The following CHST8 variants were observed in gnomAD, a reference collection of about 807,000 sequenced individuals.
CHST8 encodes the protein carbohydrate sulfotransferase 8, also known as GALNAC-4-ST1.
CHST8 carries 10 observed loss-of-function variants against 15.0 expected under a neutral mutation model. The observed-to-expected ratio is 0.67, with a 90% confidence interval of 0.41 to 1.13. The LOEUF (loss-of-function observed/expected upper bound fraction) is 1.13, where lower values mean the gene tolerates loss of function less well. CHST8 is among the 50% of genes most tolerant of loss of function. The pLI is 0.00. For synonymous variants in CHST8, 259 were observed against 256.6 expected, an observed-to-expected ratio of 1.01 and a Z score of -0.09; for missense variants, 634 against 608.2, an observed-to-expected ratio of 1.04 and a Z score of -0.45.
chr19:33,665,464 A>G (rs1295761024), intron 1 of CHST8, among the ~76,000 whole-genome samples: 3 of 152,172 alleles, frequency 2.0e-5, no homozygotes, highest in Non-Finnish European at 2.9e-5. Flanking sequence ...CTTTATTTCC[A>G]GGAACAGGTG....
chr19:33,644,289 A>C (rs1200842653), intron 1 of CHST8, among the ~76,000 whole-genome samples: 1 of 152,170 alleles, frequency 6.6e-6, no homozygotes, highest in Non-Finnish European at 1.5e-5. Flanking sequence ...GTACTCAACA[A>C]ATATTTATGG....
intron 3 of CHST8, among the ~76,000 whole-genome samples, chr19:33,727,271 T>G (rs1490607180): frequency 1.3e-5 from 2 of 152,080 alleles, no homozygotes; most frequent in African/African-American, 4.8e-5. Flanking sequence ...ATGTCAGGCT[T>G]AGGACGGACA....
At chr19:33,641,805 G>C (rs920749546) in intron 1 of CHST8, among the ~76,000 whole-genome samples, 3 of 152,146 alleles carry the variant, frequency 2.0e-5, no homozygotes, top group Admixed American at 1.3e-4. Flanking sequence ...CGCTGTCATC[G>C]CAGAAAGGGA....
chr19:33,757,441 A>G (rs547503582), intron 3 of CHST8, among the ~76,000 whole-genome samples: 18 of 26,852 alleles, frequency 6.7e-4, no homozygotes, highest in African/African-American at 2.4e-3. Flanking sequence ...AAAGAAAGAA[A>G]GAAAGAAAGA....
At chr19:33,733,419 G>A (rs284681) in intron 3 of CHST8, among the ~76,000 whole-genome samples, 27,838 of 151,868 alleles carry the variant, frequency 0.18, 2,843 homozygotes, top group South Asian at 0.25. Flanking sequence ...ACTTTTAGTA[G>A]AGATGGGGTT....
intron 3 of CHST8, among the ~76,000 whole-genome samples, chr19:33,690,966 G>A (rs1354087432): frequency 1.3e-5 from 2 of 152,210 alleles, no homozygotes; most frequent in Non-Finnish European, 2.9e-5. Flanking sequence ...GGGTCCAGGC[G>A]GCCAGTACCC....
intron 2 of CHST8, among the ~76,000 whole-genome samples, chr19:33,685,650 G>A (rs1359467290): frequency 6.6e-6 from 1 of 152,188 alleles, no homozygotes; most frequent in Non-Finnish European, 1.5e-5. Context: ...GGTGGAGGCT[G>A]AGGCCTGTGA....
intron 2 of CHST8, among the ~76,000 whole-genome samples, chr19:33,670,351 G>A (rs1301674014): frequency 1.3e-5 from 2 of 152,148 alleles, no homozygotes; most frequent in African/African-American, 2.4e-5. Context: ...GAAGTTTACC[G>A]TATTTTTAAT....
intron 2 of CHST8, among the ~76,000 whole-genome samples, chr19:33,678,632 A>C (rs557839342): frequency 7.2e-5 from 11 of 152,292 alleles, no homozygotes; most frequent in Non-Finnish European, 1.2e-4. Context: ...CCAGCTACTC[A>C]AGAGTCTGAG....
intron 3 of CHST8, among the ~76,000 whole-genome samples, chr19:33,717,575 T>G (rs747253509): frequency 4.6e-5 from 7 of 152,090 alleles, no homozygotes; most frequent in Non-Finnish European, 1.0e-4. Context: ...GGGTGGAATA[T>G]TCATGAAAAT....
intron 1 of CHST8, among the ~76,000 whole-genome samples, chr19:33,650,474 C>T (rs1250846544): frequency 7.3e-6 from 1 of 136,138 alleles, no homozygotes; most frequent in East Asian, 2.3e-4. Context: ...ATTCTGGATA[C>T]AAGTTTCTTT....
chr19:33,685,515 CT>C (rs34896126), intron 2 of CHST8, among the ~76,000 whole-genome samples: 23,659 of 152,130 alleles, frequency 0.16, 2,183 homozygotes, highest in Admixed American at 0.24. Flanking sequence ...TTCTCTGCCC[CT>C]GGAAGGCTGG....
At chr19:33,756,473 C>T (rs1005890517) in intron 3 of CHST8, among the ~76,000 whole-genome samples, 2 of 152,124 alleles carry the variant, frequency 1.3e-5, no homozygotes, top group African/African-American at 4.8e-5. Context: ...GTCTCTGGTT[C>T]ACCATAAGCC....
intron 1 of CHST8, among the ~76,000 whole-genome samples, chr19:33,642,727 C>T (rs528130896): frequency 3.3e-5 from 5 of 152,208 alleles, no homozygotes; most frequent in Non-Finnish European, 7.3e-5. Context: ...AAAGTCTTAC[C>T]GTCCTTTGAA....
intron 1 of CHST8, among the ~76,000 whole-genome samples, chr19:33,633,734 G>A (rs1972154481): frequency 6.6e-6 from 1 of 151,264 alleles, no homozygotes; most frequent in African/African-American, 2.4e-5. Context: ...GAGAATTGTT[G>A]GGCCCCAGGG....
intron 1 of CHST8, among the ~76,000 whole-genome samples, chr19:33,635,566 C>T (rs1972183245): frequency 6.6e-6 from 1 of 152,036 alleles, no homozygotes; most frequent in Non-Finnish European, 1.5e-5. Flanking sequence ...GATGGCACCT[C>T]CTCCACAGAG....
intron 2 of CHST8, among the ~76,000 whole-genome samples, chr19:33,686,887 T>C (rs1450754562): frequency 6.6e-6 from 1 of 152,210 alleles, no homozygotes; most frequent in Admixed American, 6.5e-5. Context: ...CCGCGTCTGC[T>C]TAGGTCCGTG....
chr19:33,623,622 C>A (rs962009818), intron 1 of CHST8, among the ~76,000 whole-genome samples: 2 of 152,168 alleles, frequency 1.3e-5, no homozygotes, highest in African/African-American at 4.8e-5. Flanking sequence ...TTCACCTTGA[C>A]CCTTGCCTAC....
intron 1 of CHST8, among the ~76,000 whole-genome samples, chr19:33,636,694 A>G (rs1972208558): frequency 6.6e-6 from 1 of 152,170 alleles, no homozygotes. Context: ...TGAGCTCAGG[A>G]GTTCGAGACG....
Sources: gnomAD v4.1 joint callset for allele counts (sites outside exome capture counted in the v4.1 genomes callset) on GRCh38, gnomAD v4.1.1 for gene constraint, MANE v1.5 for transcripts, NCBI Gene and HGNC (gene_info 2026-07-23, HGNC 2026-07-21) for gene names.